Variants in CERS4 observed in about 807,000 individuals in gnomAD.
CERS4 encodes the protein ceramide synthase 4, also known as LAG1 homolog, ceramide synthase 4.
CERS4 carries 65 observed loss-of-function variants against 51.8 expected under a neutral mutation model. That is an observed-to-expected ratio of 1.26 (90% CI 1.03 to 1.54). The LOEUF (loss-of-function observed/expected upper bound fraction) is 1.54. CERS4 is among the 40% of genes most tolerant of loss of function. CERS4 has a pLI of 0.00. For missense variants in CERS4, 563 were observed against 500.4 expected (o/e 1.13, Z -1.19); for synonymous variants, 228 against 208.4 (o/e 1.09, Z -0.81).
intron 2 of CERS4, among the ~76,000 whole-genome samples, chr19:8,215,898 G>A (rs1205704013): frequency 1.3e-5 from 2 of 152,162 alleles, no homozygotes; most frequent in African/African-American, 2.4e-5. Flanking sequence ...TCTGGGTTTT[G>A]TTTCTCCATC....
intron 2 of CERS4, among the ~76,000 whole-genome samples, chr19:8,248,997 GTGGA>G (rs1390836474): frequency 2.1e-5 from 3 of 139,776 alleles, no homozygotes; most frequent in African/African-American, 5.4e-5. Flanking sequence ...TGAATGATGG[GTGGA>G]TGGACAGATG....
At chr19:8,230,034 T>G (rs897696595) in intron 2 of CERS4, among the ~76,000 whole-genome samples, 2 of 152,110 alleles carry the variant, frequency 1.3e-5, no homozygotes, top group Non-Finnish European at 1.5e-5. Context: ...CCTTACAGCC[T>G]TCTTCTGTGT....
chr19:8,252,495 G>A (rs1439510744), intron 3 of CERS4, among the ~76,000 whole-genome samples: 1 of 150,990 alleles, frequency 6.6e-6, no homozygotes, highest in Non-Finnish European at 1.5e-5. Flanking sequence ...CTGGAGTACA[G>A]TGGCACAATC....
chr19:8,240,569 T>C (rs1025420570), intron 2 of CERS4: 1 of 141,352 alleles, frequency 7.1e-6, no homozygotes, highest in Admixed American at 7.3e-5. Context: ...GGCGGGTGAG[T>C]GAGTCAATGT....
chr19:8,256,211 C>G (rs751585192), intron 6 of CERS4, 25 bp from the exon 7 acceptor site: 3 of 1,605,170 alleles, frequency 1.9e-6, no homozygotes, highest in South Asian at 2.2e-5. Flanking sequence ...CACCTCTGCA[C>G]AGCCTGACAC....
At chr19:8,224,834 G>A (rs188981752) in intron 2 of CERS4, among the ~76,000 whole-genome samples, 2 of 152,258 alleles carry the variant, frequency 1.3e-5, no homozygotes, top group Admixed American at 6.6e-5. Flanking sequence ...GCTGAGTGCC[G>A]AGAGGGTGTG....
At chr19:8,245,772 G>C (rs889283611) in intron 2 of CERS4, among the ~76,000 whole-genome samples, 1 of 150,984 alleles carries the variant, frequency 6.6e-6, no homozygotes, top group Non-Finnish European at 1.5e-5. Context: ...ACTCCTGATC[G>C]CAAGTGATCC....
chr19:8,254,439 A>G, intron 3 of CERS4, 60 bp from the exon 4 acceptor site: 1 of 1,498,836 alleles, frequency 6.7e-7, no homozygotes, highest in Admixed American at 1.7e-5. Context: ...GTCTGCCCCC[A>G]CACACAGGCA....
intron 4 of CERS4, 137 bp from the exon 5 acceptor site, chr19:8,255,470 C>T: frequency 1.3e-6 from 1 of 762,454 alleles, no homozygotes; most frequent in Non-Finnish European, 2.2e-6. Flanking sequence ...CAACACTGCC[C>T]CTCCATATAG....
At chr19:8,218,505 A>G (rs948666172) in intron 2 of CERS4, among the ~76,000 whole-genome samples, 3 of 152,142 alleles carry the variant, frequency 2.0e-5, no homozygotes, top group African/African-American at 7.2e-5. Context: ...AGAACCTCGG[A>G]GTCAGGGTGG....
Position 8,262,287 on chromosome 19 carries a change from C to CAG in CERS4, c.*178_*179insAG. On this transcript the variant is annotated 3_prime_UTR_variant, in exon 12 of 12. Coordinates refer to ENST00000251363, the MANE Select transcript of CERS4 (RefSeq NM_024552.3). The stretch of plus-strand genomic sequence containing the variant: ...TCCTTCTGCCCACCCACCCTTCTTC[C>CAG]CTCTGGGCAACTGGACAGATCTGGG... The CAG allele has an allele frequency of 1.7e-6, 1 of 578,662 alleles. No homozygotes were observed. Among genetic ancestry groups the CAG allele is most frequent in the Non-Finnish European group, 2.7e-6 (1 of 374,024 alleles). The allele number at this position is 578,662 out of a possible 1,614,324, so 35.8% of individuals were successfully genotyped here.
intron 2 of CERS4, among the ~76,000 whole-genome samples, chr19:8,233,815 C>T (rs1299627567): frequency 6.7e-6 from 1 of 150,228 alleles, no homozygotes; most frequent in Non-Finnish European, 1.5e-5. Flanking sequence ...GAGTTTGAGA[C>T]CAACCCGGGT....
intron 10 of CERS4, among the ~76,000 whole-genome samples, chr19:8,258,765 C>A (rs1309554207): frequency 1.3e-5 from 2 of 151,888 alleles, no homozygotes; most frequent in African/African-American, 4.8e-5. Context: ...TCACTTAAAC[C>A]CAGAAGGCAG....
At chr19:8,218,750 A>G (rs79916950) in intron 2 of CERS4, among the ~76,000 whole-genome samples, 5,560 of 152,262 alleles carry the variant, frequency 0.037, 136 homozygotes, top group South Asian at 0.058. Context: ...GCCTCCAGTT[A>G]CACAAACACC....
In CERS4 at chr19:8,254,605, A is replaced by G; in HGVS notation, c.280A>G (p.Arg94Gly). The change falls in exon 4 of 12, where the codon AGG becomes GGG. Residue 94 changes from arginine to glycine, a missense_variant. Arg to Gly is a moderately radical substitution (Grantham distance 125, BLOSUM62 -2). Transcript: ENST00000251363. ...GAAACACTTCCTCACGGAAGGGCAC[A>G]GGCCCAAGGAGGTGAGAGCCCCCCA... Reference protein sequence around the residue: ...LEKHFLTEGHRPKEPQLSLLA... With the variant: ...LEKHFLTEGHGPKEPQLSLLA... The G allele has an allele frequency of 6.2e-7, 1 of 1,607,554 alleles. No homozygotes were observed. The highest frequency in any genetic ancestry group is 8.5e-7 in the Non-Finnish European group (1 of 1,177,738).
At chr19:8,214,062 T>TCACA (rs201116348) in intron 2 of CERS4, among the ~76,000 whole-genome samples, 5,926 of 151,682 alleles carry the variant, frequency 0.039, 170 homozygotes, top group East Asian at 0.17. Context: ...TAGGATGCTG[T>TCACA]CACACACACA....
In CERS4 at chr19:8,223,333, G is replaced by A. The variant is rs138748104; in HGVS notation, c.-2+12471G>A. Among the ~76,000 whole-genome samples, 47 of 151,154 alleles carry A rather than the reference G, an allele frequency of 3.1e-4. No individual in the cohort carries two copies. In the East Asian group the frequency reaches 8.2e-3, roughly 26 times the overall value. ...AAAAAATTTTCTTTTTTAATTGGCC[G>A]GGCCGGGTGCAGTGGTTCATGCCTG... On this transcript the variant is annotated intron_variant, in intron 2 of 11. Transcript: ENST00000251363.
rs565382677 is a variant in CERS4 at position 8,218,984 on chromosome 19, A to G, written c.-2+8122A>G. Among the ~76,000 whole-genome samples, 3 of 152,216 alleles carry G rather than the reference A, an allele frequency of 2.0e-5. No individual in the cohort carries two copies. In the South Asian group the frequency reaches 6.2e-4, roughly 32 times the overall value. On this transcript the variant is annotated intron_variant, in intron 2 of 11. Transcript: ENST00000251363. ...CACTTTGGGAGGCCGAGGCGGGAGG[A>G]TCACTTGAGGCCAGGAGTTCGAGAC... is the stretch of plus-strand genomic sequence containing the variant.
intron 2 of CERS4, chr19:8,238,579 C>T (rs137917851): frequency 2.7e-5 from 27 of 985,380 alleles, no homozygotes; most frequent in Middle Eastern, 5.2e-4. Context: ...GGAGGCCCCT[C>T]TTTACTTCCT....
Sources: gnomAD v4.1 joint callset for allele counts (sites outside exome capture counted in the v4.1 genomes callset) on GRCh38, gnomAD v4.1.1 for gene constraint, MANE v1.5 for transcripts, NCBI Gene and HGNC (gene_info 2026-07-23, HGNC 2026-07-21) for gene names.